RNF128: variants seen among roughly 807,000 people sequenced by gnomAD.
RNF128 encodes ring finger protein 128.
Under a neutral mutation model 26.2 loss-of-function variants are expected in RNF128, and 13 were observed. That is an observed-to-expected ratio of 0.50 (90% CI 0.32 to 0.79). The LOEUF is 0.79. Among genes scored for constraint, RNF128 ranks in the 30% least tolerant of loss-of-function variants. The pLI, the probability that RNF128 is intolerant of heterozygous loss-of-function variation, is 0.03. For synonymous variants in RNF128, 149 were observed against 142.5 expected, an observed-to-expected ratio of 1.05 and a Z score of -0.32; for missense variants, 315 against 349.7, an observed-to-expected ratio of 0.90 and a Z score of 0.79.
chrX:106,766,907 G>A (rs1930259947), intron 1 of RNF128, among the ~76,000 whole-genome samples: 1 of 111,558 alleles, frequency 9.0e-6, no homozygotes, highest in African/African-American at 3.3e-5. Context: ...GTGTAAGGAA[G>A]GGATCCAGTT....
At chrX:106,744,488 A>G (rs1929760681) in intron 1 of RNF128, among the ~76,000 whole-genome samples, 1 of 111,286 alleles carries the variant, frequency 9.0e-6, no homozygotes, top group South Asian at 3.7e-4. Context: ...ATATATATAT[A>G]TATTGAGATG....
At chrX:106,774,152 T>C (rs1240346179) in intron 2 of RNF128, among the ~76,000 whole-genome samples, 23 of 111,542 alleles carry the variant, frequency 2.1e-4, no homozygotes, top group Non-Finnish European at 1.3e-4. Flanking sequence ...TTTACTCTCC[T>C]ACTGTTGGAT....
chrX:106,771,743 A>G (rs1930375530), intron 1 of RNF128, among the ~76,000 whole-genome samples: 1 of 112,435 alleles, frequency 8.9e-6, no homozygotes, highest in Non-Finnish European at 1.9e-5. Context: ...GGCTGTACCC[A>G]CTTGTCTGGC....
rs887956002 is a variant in RNF128, at chrX:106,728,118, C to A, written c.484+721C>A. ...AAATAGTCCAGGTAGTTCTTAAATTCTTGGAGATGGTATGAGGTTACTATT... is the reference window on the plus strand; with the variant it reads ...AAATAGTCCAGGTAGTTCTTAAATTATTGGAGATGGTATGAGGTTACTATT... On this transcript the variant is annotated intron_variant, in intron 1 of 6. Transcript: ENST00000255499. Among the ~76,000 whole-genome samples, 5 of 111,846 alleles carry A rather than the reference C, an allele frequency of 4.5e-5. No homozygotes were observed. In the South Asian group the frequency reaches 1.1e-3, roughly 25 times the overall value.
chrX:106,746,765 TTTC>T (rs1347857948), intron 1 of RNF128, among the ~76,000 whole-genome samples: 1 of 111,909 alleles, frequency 8.9e-6, no homozygotes, highest in Non-Finnish European at 1.9e-5. Context: ...TGAATCTCTA[TTTC>T]TTCTTCTACT....
At chrX:106,704,494 A>G (rs1008085511) in intron 1 of RNF128, among the ~76,000 whole-genome samples, 6 of 109,480 alleles carry the variant, frequency 5.5e-5, no homozygotes, top group African/African-American at 2.0e-4. Context: ...GTGGGAGTGA[A>G]GAGACTCCTA....
intron 1 of RNF128, among the ~76,000 whole-genome samples, chrX:106,708,355 T>C (rs756982923): frequency 1.3e-4 from 15 of 112,276 alleles, no homozygotes; most frequent in Non-Finnish European, 2.8e-4. Flanking sequence ...CACAGGGTTA[T>C]GGAGTGAAGG....
chrX:106,755,723 AC>A (rs1220180582), intron 1 of RNF128, among the ~76,000 whole-genome samples: 1 of 111,375 alleles, frequency 9.0e-6, no homozygotes, highest in Non-Finnish European at 1.9e-5. Context: ...ACGATTAAAA[AC>A]CCTAAAAAAG....
intron 1 of RNF128, among the ~76,000 whole-genome samples, chrX:106,737,999 T>G (rs185552970): frequency 2.5e-3 from 279 of 112,141 alleles, no homozygotes; most frequent in African/African-American, 8.8e-3. Flanking sequence ...AGAATTGACT[T>G]ACTTTGAGTA....
At chrX:106,773,736 A>G (rs1313860559) in intron 2 of RNF128, among the ~76,000 whole-genome samples, 1 of 111,313 alleles carries the variant, frequency 9.0e-6, no homozygotes, top group Non-Finnish European at 1.9e-5. Flanking sequence ...ATAACAGTGT[A>G]TAAAAAGGTA....
rs973380909 is a variant in RNF128 at position 106,755,024 on chromosome X, G to T, written c.485-17889G>T. Among the ~76,000 whole-genome samples the T allele has an allele frequency of 9.0e-5, 10 of 111,424 alleles. No homozygotes were observed. In the Admixed American group the frequency reaches 9.5e-4, roughly 11 times the overall value. On this transcript the variant is annotated intron_variant, in intron 1 of 6. Transcript: ENST00000255499. ...AATAAATAAAATCAACAAACCTTTA[G>T]CCAGAATAAAGAAAAAGAGAAAACC...
At chrX:106,764,492 C>A (rs893307554) in intron 1 of RNF128, among the ~76,000 whole-genome samples, 2 of 110,043 alleles carry the variant, frequency 1.8e-5, no homozygotes, top group African/African-American at 6.6e-5. Context: ...CATGGTGAAA[C>A]CCCGTCTCTA....
chrX:106,739,632 G>C (rs1453851814), intron 1 of RNF128, among the ~76,000 whole-genome samples: 2 of 111,717 alleles, frequency 1.8e-5, no homozygotes, highest in Non-Finnish European at 3.8e-5. Context: ...CTACATGCTA[G>C]GTTTATTCTC....
intron 1 of RNF128, among the ~76,000 whole-genome samples, chrX:106,706,520 A>G (rs926802523): frequency 1.1e-4 from 12 of 112,118 alleles, no homozygotes; most frequent in South Asian, 3.7e-4. Context: ...GGCTTCTACC[A>G]GAAGCAGTGA....
intron 1 of RNF128, among the ~76,000 whole-genome samples, chrX:106,741,149 A>T (rs1929694700): frequency 8.9e-6 from 1 of 112,225 alleles, no homozygotes; most frequent in African/African-American, 3.2e-5. Flanking sequence ...TACCCTATTT[A>T]TCAATATAAT....
Position 106,752,548 on chromosome X carries a change from C to T in RNF128, c.485-20365C>T, listed in dbSNP as rs762367174. Among the ~76,000 whole-genome samples the T allele has an allele frequency of 8.9e-5, 10 of 112,562 alleles. 1 individual carries two copies. The Admixed American group carries it at 9.4e-4, about 11-fold the overall frequency. On this transcript the variant is annotated intron_variant, in intron 1 of 6. Coordinates refer to ENST00000255499, the MANE Select transcript of RNF128 (RefSeq NM_194463.2). ...GTGACCAAAAACTTAGATCACAACA[C>T]TCAATTCCCTTTGAATGCTTGAAAA...
At chrX:106,715,366 T>C (rs1377513240) in intron 1 of RNF128, among the ~76,000 whole-genome samples, 6 of 112,671 alleles carry the variant, frequency 5.3e-5, no homozygotes, top group African/African-American at 1.6e-4. Context: ...AAATGTTTAT[T>C]CATGTCTTTT....
chrX:106,776,058 T>C (rs973753140), intron 2 of RNF128, among the ~76,000 whole-genome samples: 1 of 112,442 alleles, frequency 8.9e-6, no homozygotes, highest in Non-Finnish European at 1.9e-5. Context: ...CAATGGATTA[T>C]AAATGAAAAT....
chrX:106,718,576 T>C (rs893822669), intron 1 of RNF128, among the ~76,000 whole-genome samples: 3 of 110,347 alleles, frequency 2.7e-5, no homozygotes, highest in Non-Finnish European at 5.7e-5. Context: ...TGTGATTTTA[T>C]AGATGCCAGG....
Sources: gnomAD v4.1 joint callset for allele counts (sites outside exome capture counted in the v4.1 genomes callset) on GRCh38, gnomAD v4.1.1 for gene constraint, MANE v1.5 for transcripts, NCBI Gene and HGNC (gene_info 2026-07-23, HGNC 2026-07-21) for gene names.